SEMA3C: variants seen among roughly 807,000 people sequenced by gnomAD.
SEMA3C encodes semaphorin 3C.
A neutral mutation model predicts 89.4 loss-of-function variants in SEMA3C; 47 were observed. That is an observed-to-expected ratio of 0.53 (90% CI 0.42 to 0.67). SEMA3C has a LOEUF of 0.67. SEMA3C is among the 30% of genes least tolerant of loss of function. The probability of loss-of-function intolerance (pLI) is 0.00; values close to 1 mark genes in which losing one functional copy is unlikely to be tolerated. For synonymous variants in SEMA3C, 310 were observed against 320.2 expected (o/e 0.97, Z 0.34); for missense variants, 839 against 929.1 (o/e 0.90, Z 1.26).
intron 15 of SEMA3C, among the ~76,000 whole-genome samples, chr7:80,754,957 G>GT (rs1368382376): frequency 3.6e-4 from 39 of 108,380 alleles, no homozygotes; most frequent in African/African-American, 1.2e-3. Context: ...GTTTTTTTTT[G>GT]TTTTTTTTTT....
At chr7:80,894,784 CACACT>C (rs1426648857) in intron 2 of SEMA3C, among the ~76,000 whole-genome samples, 5 of 152,056 alleles carry the variant, frequency 3.3e-5, no homozygotes, top group Non-Finnish European at 5.9e-5. Context: ...TATCATCCTT[CACACT>C]GCATTATCTC....
rs934356815 is a variant in SEMA3C, at chr7:80,837,336, A to C, written c.104-8591T>G. Among the ~76,000 whole-genome samples the C allele has an allele frequency of 2.2e-4, 33 of 152,208 alleles. 1 individual carries two copies. The stretch of plus-strand genomic sequence containing the variant: ...GTGAATTGAAATACCACTACTAAAA[A>C]CAGAATACTATAAATAGAATAAGTC... On this transcript the variant is annotated intron_variant, in intron 2 of 17. Coordinates refer to ENST00000265361, the MANE Select transcript of SEMA3C (RefSeq NM_006379.5).
intron 11 of SEMA3C, among the ~76,000 whole-genome samples, chr7:80,794,960 A>G (rs781029032): frequency 3.3e-5 from 5 of 152,182 alleles, no homozygotes; most frequent in Admixed American, 6.5e-5. Flanking sequence ...AGAAGCACCT[A>G]CAGGGAACAT....
At chr7:80,851,878 G>C (rs1465358318) in intron 2 of SEMA3C, among the ~76,000 whole-genome samples, 1 of 152,072 alleles carries the variant, frequency 6.6e-6, no homozygotes, top group Non-Finnish European at 1.5e-5. Flanking sequence ...AGAAGACAAT[G>C]TTAATTTTAG....
At chr7:80,814,165 C>A (rs1789543042) in intron 5 of SEMA3C, among the ~76,000 whole-genome samples, 1 of 151,190 alleles carries the variant, frequency 6.6e-6, no homozygotes, top group East Asian at 2.0e-4. Flanking sequence ...TCTCAGCTCA[C>A]TGGCGAGCTC....
intron 2 of SEMA3C, among the ~76,000 whole-genome samples, chr7:80,882,193 T>C (rs1791359846): frequency 6.6e-6 from 1 of 152,044 alleles, no homozygotes; most frequent in Admixed American, 6.6e-5. Flanking sequence ...TGCCACTGAC[T>C]CAATACTGTG....
chr7:80,752,029 T>C (rs1018330084), intron 15 of SEMA3C, among the ~76,000 whole-genome samples: 1 of 152,192 alleles, frequency 6.6e-6, no homozygotes, highest in Non-Finnish European at 1.5e-5. Flanking sequence ...ATCATGTATA[T>C]GCTGTGGATC....
chr7:80,850,843 T>C (rs913157735), intron 2 of SEMA3C, among the ~76,000 whole-genome samples: 26 of 152,230 alleles, frequency 1.7e-4, no homozygotes, highest in African/African-American at 5.8e-4. Flanking sequence ...TTTTCTGTGA[T>C]TGTTGTAACT....
chr7:80,839,737 T>C (rs1790219193), intron 2 of SEMA3C, among the ~76,000 whole-genome samples: 4 of 152,134 alleles, frequency 2.6e-5, no homozygotes, highest in Admixed American at 2.0e-4. Context: ...GACCAATGTG[T>C]GTGCATTGGG....
At chr7:80,806,229 G>A (rs1458425646) in intron 6 of SEMA3C, among the ~76,000 whole-genome samples, 3 of 152,038 alleles carry the variant, frequency 2.0e-5, no homozygotes, top group African/African-American at 7.2e-5. Flanking sequence ...AACATCTAGA[G>A]TCTCAACCTT....
chr7:80,879,517 T>C (rs1032258670), intron 2 of SEMA3C, among the ~76,000 whole-genome samples: 1 of 152,254 alleles, frequency 6.6e-6, no homozygotes, highest in South Asian at 2.1e-4. Flanking sequence ...GGAACACAGA[T>C]TCTAACATAC....
chr7:80,840,560 G>A (rs1790242015), intron 2 of SEMA3C, among the ~76,000 whole-genome samples: 1 of 148,564 alleles, frequency 6.7e-6, no homozygotes, highest in Non-Finnish European at 1.5e-5. Context: ...GAGAGAGAGA[G>A]CGCGATGGTA....
chr7:80,754,276 C>T (rs1006784230), intron 15 of SEMA3C, among the ~76,000 whole-genome samples: 10 of 152,094 alleles, frequency 6.6e-5, no homozygotes, highest in African/African-American at 2.4e-4. Flanking sequence ...GACTATTGAG[C>T]CAATGATATT....
At chr7:80,826,684 G>A (rs1156597703) in intron 4 of SEMA3C, among the ~76,000 whole-genome samples, 2 of 152,112 alleles carry the variant, frequency 1.3e-5, no homozygotes, top group Non-Finnish European at 2.9e-5. Context: ...ATGCTTGGCT[G>A]TATTACATTT....
At chr7:80,856,977 C>T (rs189900243) in intron 2 of SEMA3C, among the ~76,000 whole-genome samples, 1 of 152,066 alleles carries the variant, frequency 6.6e-6, no homozygotes, top group Non-Finnish European at 1.5e-5. Context: ...CAACATTATC[C>T]CCATCCTCCC....
In SEMA3C at chr7:80,788,333, T is replaced by C. The variant is rs533655016; in HGVS notation, c.1354+973A>G. Among the ~76,000 whole-genome samples, 6 of 152,320 alleles carry C rather than the reference T, an allele frequency of 3.9e-5. No individual in the cohort carries two copies. In the East Asian group the frequency reaches 9.6e-4, roughly 24 times the overall value. On this transcript the variant is annotated intron_variant, in intron 12 of 17. Coordinates refer to ENST00000265361, the MANE Select transcript of SEMA3C (RefSeq NM_006379.5). ...ATTTCATCAGTTCCTATAAGGTAGT[T>C]AGGGATGTTTGAAAATACATTTTAA...
intron 2 of SEMA3C, among the ~76,000 whole-genome samples, chr7:80,872,460 G>C (rs150454239): frequency 6.6e-6 from 1 of 152,030 alleles, no homozygotes; most frequent in East Asian, 1.9e-4. Context: ...GTGAGTAGAA[G>C]TTATATTTAG....
intron 6 of SEMA3C, among the ~76,000 whole-genome samples, chr7:80,807,226 C>T (rs1789362706): frequency 6.6e-6 from 1 of 152,096 alleles, no homozygotes; most frequent in African/African-American, 2.4e-5. Context: ...GTGGATTATA[C>T]ATTCCTGCTG....
intron 2 of SEMA3C, among the ~76,000 whole-genome samples, chr7:80,858,172 T>A (rs958867511): frequency 1.3e-5 from 2 of 152,160 alleles, no homozygotes; most frequent in Admixed American, 1.3e-4. Context: ...TAGTTATTTG[T>A]ATAAGGAGGA....
Sources: gnomAD v4.1 joint callset for allele counts (sites outside exome capture counted in the v4.1 genomes callset) on GRCh38, gnomAD v4.1.1 for gene constraint, MANE v1.5 for transcripts, NCBI Gene and HGNC (gene_info 2026-07-23, HGNC 2026-07-21) for gene names.